Variants in C3orf85 observed in about 807,000 individuals in gnomAD.
C3orf85 encodes the protein chromosome 3 open reading frame 85.
C3orf85 carries 1 observed loss-of-function variant against 1.7 expected under a neutral mutation model. That is an observed-to-expected ratio of 0.60 (90% CI 0.21 to 2.86). C3orf85 has a LOEUF of 2.86. C3orf85 is among the 30% of genes most tolerant of loss of function. C3orf85 has a pLI of 0.22. For synonymous variants in C3orf85, 17 were observed against 8.0 expected (o/e 2.13, Z -1.90); for missense variants, 29 against 21.3 (o/e 1.36, Z -0.72).
chr3:109,142,114 C>T (rs777752774), intron 2 of C3orf85, among the ~76,000 whole-genome samples: 2 of 152,088 alleles, frequency 1.3e-5, no homozygotes, highest in Non-Finnish European at 2.9e-5. Context: ...CTCACTAAAT[C>T]GTATAACTCC....
At chr3:109,145,391 C>G (rs1361474362) in intron 2 of C3orf85, among the ~76,000 whole-genome samples, 1 of 152,178 alleles carries the variant, frequency 6.6e-6, no homozygotes, top group African/African-American at 2.4e-5. Context: ...AACAAATACT[C>G]TATGATTCCA....
At chr3:109,142,965 A>G (rs978260959) in intron 2 of C3orf85, among the ~76,000 whole-genome samples, 3 of 152,242 alleles carry the variant, frequency 2.0e-5, no homozygotes, top group Admixed American at 1.3e-4. Flanking sequence ...TGGCAAATTT[A>G]TAACCAATTG....
chr3:109,148,948 C>A (rs1289932058), intron 3 of C3orf85: 1 of 152,150 alleles, frequency 6.6e-6, no homozygotes, highest in Non-Finnish European at 1.5e-5. Context: ...TTTTGCTTGC[C>A]TTTTGTACAT....
chr3:109,149,613 C>T (rs1218350521), intron 3 of C3orf85, 192 bp from the exon 4 acceptor site: 1 of 351,550 alleles, frequency 2.8e-6, no homozygotes. Context: ...TGTGGCCCCA[C>T]AAATACTGTA....
intron 2 of C3orf85, among the ~76,000 whole-genome samples, chr3:109,140,006 G>A (rs1247601060): frequency 6.6e-6 from 1 of 152,098 alleles, no homozygotes; most frequent in East Asian, 1.9e-4. Flanking sequence ...CTCTACCATA[G>A]GAAGACTAGC....
chr3:109,140,138 A>G (rs1391571684), intron 2 of C3orf85, among the ~76,000 whole-genome samples: 1 of 152,160 alleles, frequency 6.6e-6, no homozygotes, highest in African/African-American at 2.4e-5. Context: ...CTTATGACTG[A>G]TTGATACTCT....
At chr3:109,146,089 C>G (rs1418727940) in intron 2 of C3orf85, among the ~76,000 whole-genome samples, 1 of 152,166 alleles carries the variant, frequency 6.6e-6, no homozygotes, top group African/African-American at 2.4e-5. Flanking sequence ...TATATATGAA[C>G]TCTGACTATA....
rs1038074049 is a variant in C3orf85, at chr3:109,151,360, A to G, written c.*1466A>G. Among the ~76,000 whole-genome samples the G allele has an allele frequency of 2.0e-5, 3 of 152,224 alleles. No homozygotes were observed. Among genetic ancestry groups the G allele is most frequent in the African/African-American group, 7.2e-5 (3 of 41,462 alleles). On this transcript the variant is annotated 3_prime_UTR_variant, in exon 4 of 4. Transcript: ENST00000622536. The stretch of plus-strand genomic sequence containing the variant: ...ATATGTATATATAGAGATGCTCCTC[A>G]ACATACGATGGCGTTACATCCCAAT...
chr3:109,143,877 T>C (rs1455201670), intron 2 of C3orf85, among the ~76,000 whole-genome samples: 1 of 152,222 alleles, frequency 6.6e-6, no homozygotes, highest in African/African-American at 2.4e-5. Context: ...CCAAATAGTG[T>C]TTGCTTTATA....
chr3:109,143,232 A>T lies in C3orf85; in HGVS notation c.50-5021A>T, dbSNP rs553146047. ...GTCCTTTAATTCTGTATCTTATTTT[A>T]CCTTAGGCTTTCTGATCTTTTAGAT... On this transcript the variant is annotated intron_variant, in intron 2 of 3. Coordinates refer to ENST00000622536, the MANE Select transcript of C3orf85 (RefSeq NM_001351622.2). 8.5e-5 allele frequency among the ~76,000 whole-genome samples: 13 copies of T among 152,236 alleles called. No individual in the cohort carries two copies. In the South Asian group the frequency reaches 2.7e-3, roughly 32 times the overall value.
intron 2 of C3orf85, among the ~76,000 whole-genome samples, chr3:109,146,744 C>A (rs542880684): frequency 4.6e-5 from 7 of 152,220 alleles, no homozygotes; most frequent in African/African-American, 1.7e-4. Flanking sequence ...ATATCCTAGC[C>A]ACAAAAATTG....
At chr3:109,137,559 A>G (rs1706691286) in intron 2 of C3orf85, among the ~76,000 whole-genome samples, 1 of 150,132 alleles carries the variant, frequency 6.7e-6, no homozygotes, top group Non-Finnish European at 1.5e-5. Context: ...CTTGAGACTC[A>G]TGCACAAAAA....
At position 109,148,718 on chromosome 3, in the gene C3orf85, T is replaced by C. The variant is rs780999123; in HGVS notation, c.183+332T>C. ...AATTACTTGTTTTGTGTACCCAACC[T>C]ACCTACCTAGACTATAAAGGTAGGG... On this transcript the variant is annotated intron_variant, in intron 3 of 3. Transcript: ENST00000622536. 2.9e-5 allele frequency: 8 copies of C among 276,196 alleles called. No individual in the cohort carries two copies. The East Asian group carries it at 3.7e-4, about 13-fold the overall frequency. 17.1% of individuals were successfully genotyped at this position (276,196 alleles called of 1,614,324 possible).
At chr3:109,137,267 G>A (rs927119712) in intron 2 of C3orf85, among the ~76,000 whole-genome samples, 2 of 151,830 alleles carry the variant, frequency 1.3e-5, no homozygotes. Flanking sequence ...AAGTACTTTG[G>A]GAACATGAAT....
intron 2 of C3orf85, among the ~76,000 whole-genome samples, chr3:109,139,815 C>A (rs1470800061): frequency 6.6e-6 from 1 of 152,156 alleles, no homozygotes; most frequent in Non-Finnish European, 1.5e-5. Flanking sequence ...AATAAGCTGC[C>A]TTTGGTCTGT....
At chr3:109,145,930 C>T (rs542086973) in intron 2 of C3orf85, among the ~76,000 whole-genome samples, 1 of 152,166 alleles carries the variant, frequency 6.6e-6, no homozygotes, top group Admixed American at 6.6e-5. Flanking sequence ...AGAATACATG[C>T]GCTTTGCTTC....
chr3:109,149,813 A>G lies in C3orf85; in HGVS notation c.192A>G (p.Glu64=), dbSNP rs1706848153. The stretch of plus-strand genomic sequence containing the variant: ...GTTTCCTTTTCTTGAAGGCTCGTGA[A>G]ACATGGATTGCTTTGAAAACAACAG... ...WVNTLAKQAR[E]TWIALKTTAQ... The change falls in exon 4 of 4, where the codon GAA becomes GAG. Residue 64 remains glutamate, a synonymous_variant. Coordinates refer to ENST00000622536, the MANE Select transcript of C3orf85 (RefSeq NM_001351622.2). The G allele has an allele frequency of 2.5e-6, 1 of 398,402 alleles. No individual in the cohort carries two copies. Among genetic ancestry groups the G allele is most frequent in the Non-Finnish European group, 4.4e-6 (1 of 225,640 alleles). 24.7% of individuals were successfully genotyped at this position (398,402 alleles called of 1,614,324 possible). A position where few individuals can be genotyped will look rare whatever the true frequency, so the allele number is the denominator to read the frequency against.
At chr3:109,136,808 TTAAAG>T (rs1284588907) in intron 1 of C3orf85, 31 bp from the exon 2 acceptor site, 1 of 407,944 alleles carries the variant, frequency 2.5e-6, no homozygotes, top group African/African-American at 2.0e-5. Flanking sequence ...TCCAGCTAAA[TTAAAG>T]TAAATAAATC....
In C3orf85 at chr3:109,136,833, T is replaced by C. The variant is rs534255044; in HGVS notation, c.-4-11T>C. 499 of 413,762 alleles carry C rather than the reference T, an allele frequency of 1.2e-3. 3 individuals are homozygous for C. The highest frequency in any genetic ancestry group is 7.9e-3 in the African/African-American group (388 of 49,160). 25.6% of individuals were successfully genotyped at this position (413,762 alleles called of 1,614,324 possible). The stretch of plus-strand genomic sequence containing the variant: ...TTAAAGTAAATAAATCTTTTTTTTT[T>C]CCCAAAATAGGATCATGGCCTATAA... On this transcript the variant is annotated splice_polypyrimidine_tract_variant and intron_variant, in intron 1 of 3. Transcript: ENST00000622536.
Sources: gnomAD v4.1 joint callset for allele counts (sites outside exome capture counted in the v4.1 genomes callset) on GRCh38, gnomAD v4.1.1 for gene constraint, MANE v1.5 for transcripts, NCBI Gene and HGNC (gene_info 2026-07-23, HGNC 2026-07-21) for gene names.